GPC3: variants seen among roughly 807,000 people sequenced by gnomAD.
The protein encoded by GPC3 is glypican 3.
In GPC3, 3 loss-of-function variants were observed where a neutral mutation model predicts 34.4. That is an observed-to-expected ratio of 0.09 (90% CI 0.04 to 0.23). The LOEUF (loss-of-function observed/expected upper bound fraction) is 0.23, where lower values mean the gene tolerates loss of function less well. Ranked by LOEUF, GPC3 falls within the 10% of genes least tolerant of loss-of-function variation. The probability of loss-of-function intolerance (pLI) is 1.00; values close to 1 mark genes in which losing one functional copy is unlikely to be tolerated. For synonymous variants in GPC3, 177 were observed against 174.0 expected (o/e 1.02, Z -0.13); for missense variants, 351 against 445.6 (o/e 0.79, Z 1.91).
At chrX:133,798,481 G>A (rs1367916811) in intron 2 of GPC3, among the ~76,000 whole-genome samples, 3 of 112,044 alleles carry the variant, frequency 2.7e-5, no homozygotes, top group Non-Finnish European at 3.8e-5. Context: ...TGTCTCCCGT[G>A]GGTCACAGGA....
rs183491281 is a variant in GPC3 at position 133,945,748 on chromosome X, C to G, written c.337+7302G>C. On this transcript the variant is annotated intron_variant, in intron 2 of 7. Transcript: ENST00000370818. ...CAGCCTGGGTGACAGAGAGAGACTC[C>G]GTCTCAAAAAAAAAAAAAGAAAAGA... 1.3e-3 allele frequency among the ~76,000 whole-genome samples: 133 copies of G among 103,423 alleles called. No individual in the cohort carries two copies. The East Asian group carries it at 0.019, about 15-fold the overall frequency. The allele number at this position is 103,423 out of a possible 115,157, so 89.8% of individuals were successfully genotyped here. A position where few individuals can be genotyped will look rare whatever the true frequency, so the allele number is the denominator to read the frequency against.
chrX:133,960,829 C>T (rs1038060806), intron 1 of GPC3, among the ~76,000 whole-genome samples: 1 of 110,378 alleles, frequency 9.1e-6, no homozygotes, highest in African/African-American at 3.3e-5. Context: ...ATAATAGATG[C>T]CTATTAAAAT....
chrX:133,772,198 C>CTACTGTA (rs1209537688), intron 2 of GPC3, among the ~76,000 whole-genome samples: 12 of 111,783 alleles, frequency 1.1e-4, no homozygotes, highest in African/African-American at 3.9e-4. Context: ...TAGAGTAAAA[C>CTACTGTA]TACAATGGTA....
At chrX:133,646,855 A>T (rs2070549866) in intron 6 of GPC3, among the ~76,000 whole-genome samples, 1 of 111,857 alleles carries the variant, frequency 8.9e-6, no homozygotes, top group African/African-American at 3.3e-5. Flanking sequence ...GAAAAGGGCG[A>T]CTGAACAGGA....
At chrX:133,875,443 C>A (rs764990430) in intron 2 of GPC3, among the ~76,000 whole-genome samples, 2 of 111,427 alleles carry the variant, frequency 1.8e-5, no homozygotes, top group East Asian at 5.6e-4. Context: ...GTATTGTATC[C>A]CCCGCCTGCC....
At chrX:133,960,132 T>C (rs2076435613) in intron 1 of GPC3, among the ~76,000 whole-genome samples, 1 of 110,083 alleles carries the variant, frequency 9.1e-6, no homozygotes, top group African/African-American at 3.3e-5. Flanking sequence ...ATGGGTGAAA[T>C]GTGTTTGGAA....
chrX:133,644,189 T>G (rs1352467906), intron 6 of GPC3, among the ~76,000 whole-genome samples: 2 of 111,302 alleles, frequency 1.8e-5, no homozygotes, highest in African/African-American at 6.5e-5. Context: ...CTTTGTAGAT[T>G]GTCATGTTCT....
At chrX:133,705,888 G>A (rs1361889303) in intron 3 of GPC3, among the ~76,000 whole-genome samples, 2 of 112,517 alleles carry the variant, frequency 1.8e-5, no homozygotes, top group Admixed American at 1.9e-4. Context: ...GGTCTGCCAA[G>A]TAAGAGTGAA....
chrX:133,783,621 A>C (rs1016952057), intron 2 of GPC3, among the ~76,000 whole-genome samples: 2 of 112,229 alleles, frequency 1.8e-5, no homozygotes, highest in African/African-American at 6.5e-5. Flanking sequence ...AGTGGGACAA[A>C]TGTCTGAAGA....
At chrX:133,801,481 T>C (rs1346938875) in intron 2 of GPC3, among the ~76,000 whole-genome samples, 2 of 111,880 alleles carry the variant, frequency 1.8e-5, no homozygotes, top group Non-Finnish European at 3.8e-5. Context: ...AGGCCTTATG[T>C]AGTCGAACGC....
intron 7 of GPC3, among the ~76,000 whole-genome samples, chrX:133,572,405 A>T (rs1391246791): frequency 9.0e-6 from 1 of 111,646 alleles, no homozygotes; most frequent in Non-Finnish European, 1.9e-5. Context: ...ATTTCAAATC[A>T]ATAACTCAAG....
At chrX:133,605,048 T>C (rs2070031869) in intron 6 of GPC3, among the ~76,000 whole-genome samples, 1 of 111,636 alleles carries the variant, frequency 9.0e-6, no homozygotes, top group East Asian at 2.8e-4. Context: ...ACACTCTCTT[T>C]GAACGAATGC....
chrX:133,674,172 A>T (rs898503771), intron 5 of GPC3, among the ~76,000 whole-genome samples: 6 of 110,973 alleles, frequency 5.4e-5, no homozygotes, highest in Non-Finnish European at 1.1e-4. Flanking sequence ...GACTGCAGTT[A>T]GTTATGATGG....
chrX:133,887,924 C>CT lies in GPC3; in HGVS notation c.337+65125dup, dbSNP rs1261840835. On this transcript the variant is annotated intron_variant, in intron 2 of 7. Transcript: ENST00000370818. ...ATATACTTTTTCTCCAGACAGAATT[C>CT]TTTTTTTTTTTTTTAATACTTTAAG... 1.5e-3 allele frequency among the ~76,000 whole-genome samples: 148 copies of CT among 96,476 alleles called. 1 individual carries two copies. The highest frequency in any genetic ancestry group is 3.3e-3 in the African/African-American group (87 of 26,644). The allele number at this position is 96,476 out of a possible 115,157, so 83.8% of individuals were successfully genotyped here.
chrX:133,611,819 A>G (rs2070115677), intron 6 of GPC3, among the ~76,000 whole-genome samples: 1 of 112,176 alleles, frequency 8.9e-6, no homozygotes, highest in Non-Finnish European at 1.9e-5. Flanking sequence ...GATGGTCGAC[A>G]TCTTGTGTTT....
chrX:133,946,218 T>C (rs1487002993), intron 2 of GPC3, among the ~76,000 whole-genome samples: 1 of 111,591 alleles, frequency 9.0e-6, no homozygotes, highest in Non-Finnish European at 1.9e-5. Flanking sequence ...CTTATGACCA[T>C]GAGATGAAAT....
chrX:133,898,131 A>G (rs1178629495), intron 2 of GPC3, among the ~76,000 whole-genome samples: 1 of 111,497 alleles, frequency 9.0e-6, no homozygotes, highest in Non-Finnish European at 1.9e-5. Flanking sequence ...CAGTAATCCG[A>G]TATAATAAAG....
At chrX:133,660,937 T>C (rs1245061151) in intron 6 of GPC3, among the ~76,000 whole-genome samples, 4 of 111,564 alleles carry the variant, frequency 3.6e-5, no homozygotes, top group Non-Finnish European at 7.5e-5. Flanking sequence ...GCGGGGCTGA[T>C]GCAGGAGGAT....
chrX:133,929,001 T>G (rs975363245), intron 2 of GPC3, among the ~76,000 whole-genome samples: 1 of 112,163 alleles, frequency 8.9e-6, no homozygotes, highest in Admixed American at 9.5e-5. Context: ...TGGTGTGATA[T>G]CCATAAAATC....
Sources: allele counts gnomAD v4.1 joint callset (sites outside exome capture counted in the v4.1 genomes callset), GRCh38; gene constraint gnomAD v4.1.1; transcripts MANE v1.5; gene names NCBI Gene and HGNC (gene_info 2026-07-23, HGNC 2026-07-21).